The following MPPED2 variants were observed in gnomAD, a reference collection of about 807,000 sequenced individuals.
The protein encoded by MPPED2 is metallophosphoesterase domain containing 2.
A neutral mutation model predicts 33.0 loss-of-function variants in MPPED2; 5 were observed. The observed-to-expected ratio is 0.15, with a 90% CI of 0.08 to 0.32. The LOEUF (loss-of-function observed/expected upper bound fraction) is 0.32. Among genes scored for constraint, MPPED2 ranks in the 10% least tolerant of loss-of-function variants. The pLI, the probability that MPPED2 is intolerant of heterozygous loss-of-function variation, is 1.00. For synonymous variants in MPPED2, 136 were observed against 141.9 expected, an observed-to-expected ratio of 0.96 and a Z score of 0.29; for missense variants, 275 against 372.1, an observed-to-expected ratio of 0.74 and a Z score of 2.15.
intron 4 of MPPED2, chr11:30,451,868 A>G: frequency 5.1e-6 from 5 of 984,868 alleles, no homozygotes; most frequent in Non-Finnish European, 6.0e-6. Context: ...GAGACAGCAG[A>G]CCTATGCCCT....
intron 4 of MPPED2, among the ~76,000 whole-genome samples, chr11:30,459,334 T>G (rs1460766634): frequency 6.6e-6 from 1 of 152,166 alleles, no homozygotes; most frequent in African/African-American, 2.4e-5. Flanking sequence ...CATAAAGAAA[T>G]CCATTTCCTA....
chr11:30,505,279 C>A (rs1289612214), intron 3 of MPPED2, among the ~76,000 whole-genome samples: 4 of 152,124 alleles, frequency 2.6e-5, no homozygotes, highest in African/African-American at 9.7e-5. Context: ...TTTTTGTGAC[C>A]TAAACACACA....
At chr11:30,563,579 T>G (rs1956321917) in intron 2 of MPPED2, among the ~76,000 whole-genome samples, 1 of 152,050 alleles carries the variant, frequency 6.6e-6, no homozygotes, top group African/African-American at 2.4e-5. Flanking sequence ...CAGCAAACTG[T>G]AAGGAGGGAC....
At chr11:30,482,091 T>C (rs746868699) in intron 4 of MPPED2, among the ~76,000 whole-genome samples, 1 of 152,174 alleles carries the variant, frequency 6.6e-6, no homozygotes, top group Non-Finnish European at 1.5e-5. Context: ...AATGTGGCCT[T>C]TCTTCCTGAC....
intron 4 of MPPED2, among the ~76,000 whole-genome samples, chr11:30,451,409 A>G (rs1950059413): frequency 1.3e-5 from 2 of 152,204 alleles, no homozygotes; most frequent in Admixed American, 1.3e-4. Context: ...GTTTGAAGTG[A>G]GAGCTCAGAC....
At chr11:30,493,083 C>G (rs1328435229) in intron 4 of MPPED2, among the ~76,000 whole-genome samples, 2 of 152,150 alleles carry the variant, frequency 1.3e-5, no homozygotes, top group Non-Finnish European at 2.9e-5. Context: ...ACTCACCAGT[C>G]CTTCTGGATA....
intron 1 of MPPED2, among the ~76,000 whole-genome samples, chr11:30,582,023 T>C (rs1957190553): frequency 6.6e-6 from 1 of 152,220 alleles, no homozygotes; most frequent in Non-Finnish European, 1.5e-5. Flanking sequence ...TGATGTAAGA[T>C]ATCTATAAGA....
downstream of MPPED2, chr11:30,410,188 C>A: frequency 1.0e-6 from 1 of 985,726 alleles, no homozygotes; most frequent in Non-Finnish European, 1.2e-6. Context: ...GACGAAACTA[C>A]CATCCTCCAC....
intron 3 of MPPED2, among the ~76,000 whole-genome samples, chr11:30,527,604 G>T (rs1227912660): frequency 6.6e-6 from 1 of 152,132 alleles, no homozygotes; most frequent in African/African-American, 2.4e-5. Flanking sequence ...TGGTTCAGAT[G>T]TTAATCAGAG....
At chr11:30,449,060 T>C (rs1486491958) in intron 4 of MPPED2, among the ~76,000 whole-genome samples, 4 of 152,206 alleles carry the variant, frequency 2.6e-5, no homozygotes, top group African/African-American at 9.6e-5. Context: ...TTGCCTGTTT[T>C]TTAGTCTCTT....
At chr11:30,432,353 T>C (rs1034935499) in intron 4 of MPPED2, among the ~76,000 whole-genome samples, 2 of 152,214 alleles carry the variant, frequency 1.3e-5, no homozygotes, top group African/African-American at 4.8e-5. Context: ...TAAGCAACTT[T>C]GCATGAAAAC....
chr11:30,532,280 G>A (rs1954571347), intron 3 of MPPED2, among the ~76,000 whole-genome samples: 1 of 152,124 alleles, frequency 6.6e-6, no homozygotes, highest in Admixed American at 6.5e-5. Flanking sequence ...TCCAGTCTCA[G>A]TTTCCACTTC....
At chr11:30,500,196 T>C (rs1300776686) in intron 3 of MPPED2, among the ~76,000 whole-genome samples, 2 of 152,216 alleles carry the variant, frequency 1.3e-5, no homozygotes, top group Non-Finnish European at 2.9e-5. Context: ...CATGGCTTTA[T>C]TTGAATTCTG....
At chr11:30,550,730 G>T (rs1399790607) in intron 2 of MPPED2, among the ~76,000 whole-genome samples, 2 of 152,094 alleles carry the variant, frequency 1.3e-5, no homozygotes, top group Admixed American at 6.5e-5. Flanking sequence ...GGGAAAAAAT[G>T]CAATAAAATC....
chr11:30,405,650 ATTTTCTGTATGGTTTCTTACACAG>A (rs1947977485), downstream of MPPED2, among the ~76,000 whole-genome samples: 1 of 152,136 alleles, frequency 6.6e-6, no homozygotes, highest in African/African-American at 2.4e-5. Flanking sequence ...TAAAGAACTC[ATTTTCTGTATGGTTTCTTACACAG>A]TCCAGTTCAA....
intron 3 of MPPED2, among the ~76,000 whole-genome samples, chr11:30,502,286 C>G (rs1427771465): frequency 2.0e-5 from 3 of 152,264 alleles, no homozygotes; most frequent in Non-Finnish European, 4.4e-5. Flanking sequence ...ATACATGAAT[C>G]CTCCTCATGC....
chr11:30,560,676 C>A (rs893101010), intron 2 of MPPED2, among the ~76,000 whole-genome samples: 2 of 152,162 alleles, frequency 1.3e-5, no homozygotes, highest in Non-Finnish European at 2.9e-5. Flanking sequence ...AGAAAAACAG[C>A]CTGCATCCCA....
chr11:30,386,550 C>T, exon 7 of MPPED2: 3 of 394,746 alleles, frequency 7.6e-6, no homozygotes, highest in Admixed American at 8.8e-5. Context: ...TATAAAATAC[C>T]CAGTCTCAGG....
rs938474564 is a variant in MPPED2 at position 30,583,025 on chromosome 11, C to G, written c.-121-2531G>C. Among the ~76,000 whole-genome samples the G allele has an allele frequency of 6.5e-4, 99 of 151,778 alleles. 1 individual carries two copies. Among genetic ancestry groups the G allele is most frequent in the African/African-American group, 2.1e-3 (86 of 41,280 alleles). On this transcript the variant is annotated intron_variant, in intron 1 of 6. Transcript: ENST00000358117. ...AAAACTTTCACAGCACCTTTACAGA[C>G]AAGTCAAGAAAAGGCTTATTTTTTA...
Sources: allele counts gnomAD v4.1 joint callset (sites outside exome capture counted in the v4.1 genomes callset), GRCh38; gene constraint gnomAD v4.1.1; transcripts MANE v1.5; gene names NCBI Gene and HGNC (gene_info 2026-07-23, HGNC 2026-07-21).